Variants in NTNG1 observed in about 807,000 individuals in gnomAD.
NTNG1 encodes netrin-G1.
Under a neutral mutation model 54.0 loss-of-function variants are expected in NTNG1, and 16 were observed. That is an observed-to-expected ratio of 0.30 (90% CI 0.20 to 0.45). The LOEUF is 0.45. Ranked by LOEUF, NTNG1 falls within the 20% of genes least tolerant of loss-of-function variation. NTNG1 has a pLI of 1.00. For synonymous variants in NTNG1, 255 were observed against 263.1 expected, an observed-to-expected ratio of 0.97 and a Z score of 0.30; for missense variants, 530 against 678.7, an observed-to-expected ratio of 0.78 and a Z score of 2.43.
chr1:107,392,358 C>A (rs775289009), intron 3 of NTNG1, among the ~76,000 whole-genome samples: 1 of 151,700 alleles, frequency 6.6e-6, no homozygotes, highest in African/African-American at 2.4e-5. Flanking sequence ...GTTTGTAATG[C>A]GAAGGAAGTT....
intron 7 of NTNG1, among the ~76,000 whole-genome samples, chr1:107,473,444 A>C (rs999079086): frequency 3.9e-5 from 6 of 152,182 alleles, no homozygotes; most frequent in African/African-American, 1.4e-4. Context: ...CCCTCTGAGC[A>C]TAAGGAGTCC....
chr1:107,203,745 TCC>T (rs1233449939), intron 2 of NTNG1, among the ~76,000 whole-genome samples: 4 of 151,606 alleles, frequency 2.6e-5, no homozygotes, highest in Admixed American at 2.6e-4. Flanking sequence ...TTTTATCTAT[TCC>T]CTTTACTCTA....
rs1367762475 is a variant in NTNG1 at position 107,361,380 on chromosome 1, T to TATATAG, written c.888-33769_888-33768insGATATA. Reference sequence around the variant, plus strand: ...TATAACATATATATATATACATATATATATATATATATTTTTTTTTTTTTT... The same window carrying TATATAG: ...TATAACATATATATATATACATATATATATAGATATATATATATTTTTTTTTTTTTT... On this transcript the variant is annotated intron_variant, in intron 3 of 7. Transcript: ENST00000370068. Among the ~76,000 whole-genome samples, 5 of 62,874 alleles carry TATATAG rather than the reference T, an allele frequency of 8.0e-5. No individual in the cohort carries two copies. The Admixed American group carries it at 1.3e-3, about 17-fold the overall frequency. The allele number at this position is 62,874 out of a possible 152,430, so 41.2% of individuals were successfully genotyped here. A position where few individuals can be genotyped will look rare whatever the true frequency, so the allele number is the denominator to read the frequency against.
intron 7 of NTNG1, among the ~76,000 whole-genome samples, chr1:107,457,081 C>G (rs903025094): frequency 6.6e-6 from 1 of 152,216 alleles, no homozygotes; most frequent in African/African-American, 2.4e-5. Context: ...ATACAAATCT[C>G]AAACCTCAGG....
intron 3 of NTNG1, among the ~76,000 whole-genome samples, chr1:107,336,092 A>G (rs1205804369): frequency 1.3e-5 from 2 of 151,928 alleles, no homozygotes; most frequent in African/African-American, 2.4e-5. Context: ...GCTAAAATTC[A>G]TATAGAATTT....
At chr1:107,278,110 T>C (rs1392015124) in intron 2 of NTNG1, among the ~76,000 whole-genome samples, 2 of 152,216 alleles carry the variant, frequency 1.3e-5, no homozygotes, top group African/African-American at 2.4e-5. Flanking sequence ...TATTTTCTCA[T>C]GGGCTTCATC....
intron 2 of NTNG1, among the ~76,000 whole-genome samples, chr1:107,271,185 T>C (rs1416037248): frequency 1.3e-5 from 2 of 152,214 alleles, no homozygotes; most frequent in Admixed American, 6.5e-5. Context: ...TATATTTTAA[T>C]TGATATTGTA....
At chr1:107,212,228 T>C (rs1180138344) in intron 2 of NTNG1, among the ~76,000 whole-genome samples, 1 of 152,192 alleles carries the variant, frequency 6.6e-6, no homozygotes, top group Admixed American at 6.5e-5. Flanking sequence ...AAATCTATGA[T>C]ATTGCTATTT....
At chr1:107,426,176 T>G (rs1674897485) in intron 5 of NTNG1, among the ~76,000 whole-genome samples, 1 of 152,172 alleles carries the variant, frequency 6.6e-6, no homozygotes, top group East Asian at 1.9e-4. Flanking sequence ...CTTTTTAGTT[T>G]AAGTCCCATT....
chr1:107,301,829 T>G (rs1481599635), intron 2 of NTNG1, among the ~76,000 whole-genome samples: 2 of 152,186 alleles, frequency 1.3e-5, no homozygotes. Context: ...AGATAGGTTT[T>G]CTTGTTGTGT....
intron 2 of NTNG1, among the ~76,000 whole-genome samples, chr1:107,200,329 T>C (rs1446299955): frequency 5.3e-5 from 8 of 151,934 alleles, no homozygotes; most frequent in Non-Finnish European, 1.2e-4. Context: ...ATAACATTTC[T>C]TGTTAATAAC....
intron 3 of NTNG1, among the ~76,000 whole-genome samples, chr1:107,328,469 G>T (rs941976614): frequency 6.6e-5 from 10 of 152,110 alleles, no homozygotes; most frequent in African/African-American, 1.2e-4. Flanking sequence ...GGCCAAAAAG[G>T]TCATCTAATG....
In NTNG1 at chr1:107,318,799, G is replaced by T. The variant is rs115843008; in HGVS notation, c.247-5483G>T. On this transcript the variant is annotated intron_variant, in intron 2 of 7. Transcript: ENST00000370068. ...TACTGTTGCTGTATGCATACCACAT[G>T]TTGGTACCCAGCATACCAGTTAACA... 5.8e-3 allele frequency among the ~76,000 whole-genome samples: 888 copies of T among 152,242 alleles called. 9 individuals are homozygous for T. Among genetic ancestry groups the T allele is most frequent in the African/African-American group, 0.02 (838 of 41,560 alleles).
chr1:107,456,700 G>A (rs1676976592), intron 7 of NTNG1, among the ~76,000 whole-genome samples: 1 of 152,200 alleles, frequency 6.6e-6, no homozygotes, highest in Admixed American at 6.5e-5. Context: ...GTCAGAGCTA[G>A]TGTTTCCATT....
At chr1:107,400,338 C>A (rs560443830) in intron 4 of NTNG1, among the ~76,000 whole-genome samples, 4 of 151,594 alleles carry the variant, frequency 2.6e-5, no homozygotes, top group Admixed American at 2.6e-4. Flanking sequence ...TATCTTTAGC[C>A]AAAATTATTA....
At chr1:107,207,577 T>C (rs1442795245) in intron 2 of NTNG1, among the ~76,000 whole-genome samples, 1 of 152,230 alleles carries the variant, frequency 6.6e-6, no homozygotes, top group East Asian at 1.9e-4. Context: ...AACCCTTCCA[T>C]GGAGAAACTA....
chr1:107,382,272 A>G (rs1463837621), intron 3 of NTNG1, among the ~76,000 whole-genome samples: 1 of 152,172 alleles, frequency 6.6e-6, no homozygotes, highest in African/African-American at 2.4e-5. Context: ...AATGTGAGAC[A>G]TTTTTCAACA....
At chr1:107,161,251 T>C (rs4364907) in intron 2 of NTNG1, among the ~76,000 whole-genome samples, 48,893 of 151,990 alleles carry the variant, frequency 0.32, 8,339 homozygotes, top group African/African-American at 0.44. Context: ...ACAAGGTCTT[T>C]GGGGTATTGG....
intron 3 of NTNG1, among the ~76,000 whole-genome samples, chr1:107,343,712 A>C (rs1318918045): frequency 6.6e-6 from 1 of 152,130 alleles, no homozygotes; most frequent in Admixed American, 6.6e-5. Context: ...GGAGATGGGC[A>C]GCCCTGCAGT....
Sources: gnomAD v4.1 joint callset for allele counts (sites outside exome capture counted in the v4.1 genomes callset) on GRCh38, gnomAD v4.1.1 for gene constraint, MANE v1.5 for transcripts, NCBI Gene and HGNC (gene_info 2026-07-23, HGNC 2026-07-21) for gene names.